CDH3: variants seen among roughly 807,000 people sequenced by gnomAD.
CDH3 encodes the protein cadherin 3, also known as cadherin-3.
In CDH3, 54 loss-of-function variants were observed where a neutral mutation model predicts 82.0. The ratio of observed to expected loss-of-function variants is 0.66; its 90% CI spans 0.53 to 0.83. CDH3 has a LOEUF of 0.83. Ranked by LOEUF, CDH3 falls within the 40% of genes least tolerant of loss-of-function variation. CDH3 has a pLI of 0.00. For synonymous variants in CDH3, 446 were observed against 437.9 expected (o/e 1.02, Z -0.23); for missense variants, 1,054 against 1,084.6 (o/e 0.97, Z 0.40).
intron 2 of CDH3, among the ~76,000 whole-genome samples, chr16:68,726,908 G>C (rs1962225876): frequency 6.6e-6 from 1 of 152,108 alleles, no homozygotes; most frequent in Non-Finnish European, 1.5e-5. Context: ...GTGTGTGATG[G>C]TGACTTTTAG....
rs545550102 is a variant in CDH3, at chr16:68,689,991, T to C, written c.1796-1729T>C. ...GCTAACAGCTCCCTTCTTGAGAAAG[T>C]TGAGTCTAAACCAAAGGCCTTTCTT... On this transcript the variant is annotated intron_variant, in intron 12 of 15. Coordinates refer to ENST00000264012, the MANE Select transcript of CDH3 (RefSeq NM_001793.6). Among the ~76,000 whole-genome samples the C allele has an allele frequency of 1.4e-4, 22 of 152,246 alleles. 1 individual carries two copies. The highest frequency in any genetic ancestry group is 4.8e-4 in the African/African-American group (20 of 41,522).
At chr16:68,651,761 G>A (rs1026783414) in intron 2 of CDH3, 81 of 499,384 alleles carry the variant, frequency 1.6e-4, no homozygotes, top group African/African-American at 1.2e-3. Context: ...GCTGCAGCTC[G>A]TTCATGAGTG....
intron 2 of CDH3, among the ~76,000 whole-genome samples, chr16:68,672,065 G>A (rs938982698): frequency 3.3e-5 from 5 of 151,880 alleles, no homozygotes; most frequent in African/African-American, 7.2e-5. Flanking sequence ...GGTGGCGGGC[G>A]CCTGTAGTCC....
intron 2 of CDH3, among the ~76,000 whole-genome samples, chr16:68,670,604 G>A (rs1960861304): frequency 1.3e-5 from 2 of 152,138 alleles, no homozygotes; most frequent in Admixed American, 6.5e-5. Flanking sequence ...CTACATCATG[G>A]TTTGGAGTTT....
At chr16:68,693,679 A>G (rs1005620799) in intron 13 of CDH3, among the ~76,000 whole-genome samples, 1 of 152,178 alleles carries the variant, frequency 6.6e-6, no homozygotes, top group Non-Finnish European at 1.5e-5. Flanking sequence ...ATGCATCTTC[A>G]GAACCCGTGG....
At chr16:68,726,560 C>A (rs9941030) in intron 2 of CDH3, among the ~76,000 whole-genome samples, 121,803 of 151,082 alleles carry the variant, frequency 0.81, 49,845 homozygotes, top group Non-Finnish European at 0.89. Context: ...CAAATTCCAG[C>A]TCTTTCATTT....
At chr16:68,656,940 C>T (rs538107202) in intron 2 of CDH3, among the ~76,000 whole-genome samples, 170 of 152,266 alleles carry the variant, frequency 1.1e-3, no homozygotes, top group African/African-American at 4.0e-3. Context: ...CAGCCCTCTG[C>T]AGAGAACTGT....
intron 2 of CDH3, among the ~76,000 whole-genome samples, chr16:68,674,004 A>G (rs1439538362): frequency 2.0e-5 from 3 of 152,196 alleles, no homozygotes; most frequent in Non-Finnish European, 2.9e-5. Flanking sequence ...AAATGAATGC[A>G]TAAGTATCTG....
rs770349446 is a variant in CDH3 at position 68,645,443 on chromosome 16, G to A, written c.45+19G>A. 1.9e-6 allele frequency: 3 copies of A among 1,612,504 alleles called. No homozygotes were observed. The highest frequency in any genetic ancestry group is 4.5e-5 in the East Asian group (2 of 44,844). On this transcript the variant is annotated intron_variant, in intron 1 of 15. Coordinates refer to ENST00000264012, the MANE Select transcript of CDH3 (RefSeq NM_001793.6). ...TCTCCAGGTACTCCACAGCCTCGCCGTGGCCCCGACCGGGACCGCTCCCTG... is the reference window on the plus strand; with the variant it reads ...TCTCCAGGTACTCCACAGCCTCGCCATGGCCCCGACCGGGACCGCTCCCTG...
At chr16:68,690,684 G>A (rs148732801) in intron 12 of CDH3, among the ~76,000 whole-genome samples, 3,802 of 152,110 alleles carry the variant, frequency 0.025, 61 homozygotes, top group Non-Finnish European at 0.039. Flanking sequence ...CGAGGAAGGT[G>A]GATCACGAGG....
chr16:68,720,320 A>G (rs1962146303), intron 1 of CDH3, among the ~76,000 whole-genome samples: 3 of 152,026 alleles, frequency 2.0e-5, no homozygotes, highest in African/African-American at 7.2e-5. Context: ...TCTGGGTAGC[A>G]AGGGAATTCC....
chr16:68,666,172 G>C (rs1376141293), intron 2 of CDH3, among the ~76,000 whole-genome samples: 1 of 151,618 alleles, frequency 6.6e-6, no homozygotes, highest in Admixed American at 6.6e-5. Flanking sequence ...TCTTCTGCTT[G>C]GCTGGGTCAG....
intron 1 of CDH3, among the ~76,000 whole-genome samples, chr16:68,716,336 G>A (rs1015174981): frequency 2.6e-5 from 4 of 151,280 alleles, no homozygotes. Flanking sequence ...GTGCTATTGA[G>A]GCAGCCAGGC....
chr16:68,700,542 G>A (rs1426730355), downstream of CDH3, among the ~76,000 whole-genome samples: 5 of 152,212 alleles, frequency 3.3e-5, no homozygotes, highest in Admixed American at 6.5e-5. Context: ...CATGGCTCAC[G>A]CCTGTAATTC....
chr16:68,676,834 T>C (rs3118228), intron 3 of CDH3, among the ~76,000 whole-genome samples: 2 of 152,094 alleles, frequency 1.3e-5, no homozygotes, highest in African/African-American at 2.4e-5. Flanking sequence ...GCCAATCCCA[T>C]GAGCCTCCAG....
chr16:68,654,713 A>T (rs12923041), intron 2 of CDH3, among the ~76,000 whole-genome samples: 19,382 of 90,428 alleles, frequency 0.21, 1,775 homozygotes, highest in Middle Eastern at 0.33. Flanking sequence ...AAAAAAAAAA[A>T]ATATATATAT....
chr16:68,726,511 C>G (rs1331216872), intron 2 of CDH3, among the ~76,000 whole-genome samples: 1 of 151,870 alleles, frequency 6.6e-6, no homozygotes, highest in Non-Finnish European at 1.5e-5. Context: ...TGGAATAGCA[C>G]AGAGATTAAG....
rs561630115 is a variant in CDH3 at position 68,726,471 on chromosome 16, C to A, written c.*46-682C>A. ...GGTTTGCCACTCAGTTCAAATGGCA[C>A]CCAGAAACAAAACCCCACCCTGATC... On this transcript the variant is annotated intron_variant, in intron 2 of 2. Coordinates refer to the CDH3 transcript ENST00000569080. Among the ~76,000 whole-genome samples, 5 of 152,198 alleles carry A rather than the reference C, an allele frequency of 3.3e-5. No individual in the cohort carries two copies. The East Asian group carries it at 9.7e-4, about 29-fold the overall frequency.
At chr16:68,685,475 C>A in intron 11 of CDH3, 125 bp downstream of exon 11, 1 of 1,016,972 alleles carries the variant, frequency 9.8e-7, no homozygotes, top group Non-Finnish European at 1.5e-6. Context: ...CAAACCAATC[C>A]AGACGGTCAA....
Sources: gnomAD v4.1 joint callset for allele counts (sites outside exome capture counted in the v4.1 genomes callset) on GRCh38, gnomAD v4.1.1 for gene constraint, MANE v1.5 for transcripts, NCBI Gene and HGNC (gene_info 2026-07-23, HGNC 2026-07-21) for gene names.